ZC3H12D: variants seen among roughly 807,000 people sequenced by gnomAD.
ZC3H12D encodes the protein probable ribonuclease ZC3H12D.
A neutral mutation model predicts 24.2 loss-of-function variants in ZC3H12D; 11 were observed. The observed-to-expected ratio is 0.46, with a 90% CI of 0.29 to 0.75. ZC3H12D has a LOEUF of 0.75. Among genes scored for constraint, ZC3H12D ranks in the 30% least tolerant of loss-of-function variants. ZC3H12D has a pLI of 0.11. For missense variants in ZC3H12D, 740 were observed against 767.7 expected (o/e 0.96, Z 0.43); for synonymous variants, 333 against 341.8 (o/e 0.97, Z 0.28).
chr6:149,483,220 A>C (rs2115016418), intron 1 of ZC3H12D: 1 of 152,334 alleles, frequency 6.6e-6, no homozygotes, highest in East Asian at 1.9e-4. Flanking sequence ...ATTTTGAGGA[A>C]GTCACAGAGA....
chr6:149,452,532 A>G lies in ZC3H12D; in HGVS notation c.787+84T>C. 1 of 1,154,514 alleles carries G rather than the reference A, an allele frequency of 8.7e-7. No individual in the cohort carries two copies. Among genetic ancestry groups the G allele is most frequent in the Non-Finnish European group, 1.2e-6 (1 of 864,430 alleles). 71.5% of individuals were successfully genotyped at this position (1,154,514 alleles called of 1,614,324 possible). A position where few individuals can be genotyped will look rare whatever the true frequency, so the allele number is the denominator to read the frequency against. ...GCAAGAGCCCAGGCCGCTGAGCACC[A>G]GGCCAGCGCTTTTTGACTGTGCTCC... On this transcript the variant is annotated intron_variant, in intron 5 of 5. Coordinates refer to ENST00000409806, the MANE Select transcript of ZC3H12D (RefSeq NM_207360.3). This position sits in a 1 kb window ranked among gnomAD's most constrained non-coding sequence, Gnocchi z 4.0.
At chr6:149,458,699 C>T (rs779609840) in intron 3 of ZC3H12D, among the ~76,000 whole-genome samples, 1 of 152,098 alleles carries the variant, frequency 6.6e-6, no homozygotes, top group Non-Finnish European at 1.5e-5. Flanking sequence ...TCCAGAGTGG[C>T]GATGCCAAGT....
intron 1 of ZC3H12D, chr6:149,483,010 T>G (rs4897126): frequency 9.1e-5 from 14 of 153,540 alleles, no homozygotes; most frequent in African/African-American, 3.4e-4. Flanking sequence ...CCAGCACACT[T>G]AACACCTCGC....
At chr6:149,465,805 G>A (rs1260618984) in intron 2 of ZC3H12D, among the ~76,000 whole-genome samples, 4 of 150,658 alleles carry the variant, frequency 2.7e-5, no homozygotes, top group Non-Finnish European at 5.9e-5. Flanking sequence ...GTCCTTTCCA[G>A]CCCAGCAGAA....
chr6:149,475,317 G>C (rs1470723087), intron 1 of ZC3H12D, among the ~76,000 whole-genome samples: 3 of 152,190 alleles, frequency 2.0e-5, no homozygotes, highest in Middle Eastern at 3.2e-3. Flanking sequence ...ATGCCCCCGG[G>C]CGAATTCTAC....
At chr6:149,469,007 C>T (rs770624483) in intron 2 of ZC3H12D, among the ~76,000 whole-genome samples, 6 of 152,196 alleles carry the variant, frequency 3.9e-5, no homozygotes, top group Non-Finnish European at 7.3e-5. Context: ...AATGAGGACA[C>T]ATTTACATGA....
At position 149,449,434 on chromosome 6, in the gene ZC3H12D, ACT is replaced by A. The variant is rs1357113707; in HGVS notation, c.*1247_*1248del. 5 of 148,716 alleles carry A rather than the reference ACT, an allele frequency of 3.4e-5. No homozygotes were observed. Among genetic ancestry groups the A allele is most frequent in the African/African-American group, 1.3e-4 (5 of 39,744 alleles). 9.2% of individuals were successfully genotyped at this position (148,716 alleles called of 1,614,324 possible). On this transcript the variant is annotated 3_prime_UTR_variant, in exon 6 of 6. Transcript: ENST00000409806. ...ACTCCAGACAGAGTGACAGAGTGAGACTCTGTCTTTTTTTTTTTTTTAAGACG... is the reference window on the plus strand; with the variant it reads ...ACTCCAGACAGAGTGACAGAGTGAGACTGTCTTTTTTTTTTTTTTAAGACG...
intron 2 of ZC3H12D, among the ~76,000 whole-genome samples, chr6:149,468,995 A>C (rs1776203195): frequency 6.6e-6 from 1 of 152,226 alleles, no homozygotes; most frequent in African/African-American, 2.4e-5. Flanking sequence ...TGTGCACTCC[A>C]AAATGAGGAC....
rs577956558 is a variant in ZC3H12D at position 149,451,602 on chromosome 6, C to A, written c.788-123G>T. 6 of 847,994 alleles carry A rather than the reference C, an allele frequency of 7.1e-6. No individual in the cohort carries two copies. In the South Asian group the frequency reaches 1.0e-4, roughly 14 times the overall value. 52.5% of individuals were successfully genotyped at this position (847,994 alleles called of 1,614,324 possible). A position where few individuals can be genotyped will look rare whatever the true frequency, so the allele number is the denominator to read the frequency against. Reference sequence around the variant, plus strand: ...CTCCGTGGAGATTCCTCCAAGCAGGCCCCCAGGCCGCCGCGGACTCCTCAG... The same window carrying A: ...CTCCGTGGAGATTCCTCCAAGCAGGACCCCAGGCCGCCGCGGACTCCTCAG... On this transcript the variant is annotated intron_variant, in intron 5 of 5. Coordinates refer to ENST00000409806, the MANE Select transcript of ZC3H12D (RefSeq NM_207360.3).
chr6:149,471,000 C>T (rs573097592), intron 2 of ZC3H12D, among the ~76,000 whole-genome samples: 1 of 152,348 alleles, frequency 6.6e-6, no homozygotes, highest in East Asian at 1.9e-4. Context: ...TCCAGCAAAA[C>T]TGGGGGCAGC....
Position 149,456,367 on chromosome 6 carries a change from T to C in ZC3H12D, c.680+299A>G, listed in dbSNP as rs1035026285. Among the ~76,000 whole-genome samples the C allele has an allele frequency of 4.6e-5, 7 of 152,172 alleles. No homozygotes were observed. Among genetic ancestry groups the C allele is most frequent in the African/African-American group, 1.4e-4 (6 of 41,440 alleles). The stretch of plus-strand genomic sequence containing the variant: ...ATGACTATTTCAATATTCTGAAGTA[T>C]GCAATTCTGTTTTTTTAAGTTAGTG... On this transcript the variant is annotated intron_variant, in intron 4 of 5. Coordinates refer to ENST00000409806, the MANE Select transcript of ZC3H12D (RefSeq NM_207360.3). This position sits in a 1 kb window ranked among gnomAD's most constrained non-coding sequence, Gnocchi z 4.3.
Position 149,450,658 on chromosome 6 carries a change from T to G in ZC3H12D, c.*25A>C. On this transcript the variant is annotated 3_prime_UTR_variant, in exon 6 of 6. Coordinates refer to ENST00000409806, the MANE Select transcript of ZC3H12D (RefSeq NM_207360.3). Reference sequence around the variant, plus strand: ...CAAGACGCAAGGCGAGGCTGGGCCATTCCCTGCAAGTGCGTGTTGGTCCCT... The same window carrying G: ...CAAGACGCAAGGCGAGGCTGGGCCAGTCCCTGCAAGTGCGTGTTGGTCCCT... 2 of 1,490,256 alleles carry G rather than the reference T, an allele frequency of 1.3e-6. No homozygotes were observed. The highest frequency in any genetic ancestry group is 1.8e-6 in the Non-Finnish European group (2 of 1,116,518). The allele number at this position is 1,490,256 out of a possible 1,614,324, so 92.3% of individuals were successfully genotyped here.
intron 2 of ZC3H12D, among the ~76,000 whole-genome samples, chr6:149,472,345 T>TTG (rs148394577): frequency 3.3e-5 from 5 of 152,014 alleles, no homozygotes; most frequent in African/African-American, 4.8e-5. Context: ...TGTAGACACA[T>TTG]TGTGTGTGTG....
chr6:149,454,131 T>C (rs372205), intron 4 of ZC3H12D, among the ~76,000 whole-genome samples: 96,537 of 152,064 alleles, frequency 0.63, 33,262 homozygotes, highest in African/African-American at 0.9. Context: ...GGTCTGGTCT[T>C]AGTTTCCTTG....
At chr6:149,468,834 AC>A (rs1329445118) in intron 2 of ZC3H12D, among the ~76,000 whole-genome samples, 2 of 152,036 alleles carry the variant, frequency 1.3e-5, no homozygotes, top group East Asian at 3.9e-4. Context: ...CCTGCTGGGA[AC>A]CCACTGAGGG....
intron 5 of ZC3H12D, 56 bp from the exon 6 acceptor site, chr6:149,451,535 C>A: frequency 2.1e-6 from 3 of 1,447,144 alleles, no homozygotes; most frequent in Non-Finnish European, 2.7e-6. Flanking sequence ...CGCGGAGGGG[C>A]GGTGGTTCCT....
chr6:149,477,045 A>C (rs1391826314), intron 1 of ZC3H12D, among the ~76,000 whole-genome samples: 1 of 152,274 alleles, frequency 6.6e-6, no homozygotes, highest in Admixed American at 6.5e-5. Flanking sequence ...CACTGTTACA[A>C]ATCAGGCTCA....
intron 2 of ZC3H12D, among the ~76,000 whole-genome samples, chr6:149,469,260 A>G (rs1477457500): frequency 1.3e-5 from 2 of 152,176 alleles, no homozygotes; most frequent in Admixed American, 6.5e-5. Flanking sequence ...GATCGAGACC[A>G]TCCTGGCTAA....
In ZC3H12D at chr6:149,461,936, T is replaced by C; in HGVS notation, c.340A>G (p.Ile114Val). 6.2e-7 allele frequency: 1 copy of C among 1,612,190 alleles called. No homozygotes were observed. Among genetic ancestry groups the C allele is most frequent in the Non-Finnish European group, 8.5e-7 (1 of 1,179,244 alleles). ...CTGAACCAGTCAACAGCCAGCTTGATTCCCCGGCAAGAGAAGGTTTCTTTA... is the reference window on the plus strand; with the variant it reads ...CTGAACCAGTCAACAGCCAGCTTGACTCCCCGGCAAGAGAAGGTTTCTTTA... Reference protein sequence around the residue: ...GNKETFSCRGIKLAVDWFRDR... With the variant: ...GNKETFSCRGVKLAVDWFRDR... Residue 114 changes from isoleucine (I) to valine (V), a missense_variant, in exon 3 of 6, where the codon ATC (isoleucine) becomes GTC (valine). Physicochemically the swap from Ile to Val is conservative, Grantham distance 29. Coordinates refer to ENST00000409806, the MANE Select transcript of ZC3H12D (RefSeq NM_207360.3).
Sources: gnomAD v4.1 joint callset for allele counts (sites outside exome capture counted in the v4.1 genomes callset) on GRCh38, gnomAD v4.1.1 for gene constraint, Gnocchi (gnomAD v3.1) non-coding constraint, MANE v1.5 for transcripts, NCBI Gene and HGNC (gene_info 2026-07-23, HGNC 2026-07-21) for gene names.